The following EIF2AK1 variants were observed in gnomAD, a reference collection of about 807,000 sequenced individuals.
EIF2AK1 encodes the protein eukaryotic translation initiation factor 2-alpha kinase 1.
EIF2AK1 carries 54 observed loss-of-function variants against 77.9 expected under a neutral mutation model. That is an observed-to-expected ratio of 0.69 (90% CI 0.56 to 0.87). The LOEUF (loss-of-function observed/expected upper bound fraction) is 0.87, where lower values mean the gene tolerates loss of function less well. Among genes scored for constraint, EIF2AK1 ranks in the 40% least tolerant of loss-of-function variants. EIF2AK1 has a pLI of 0.00. For missense variants in EIF2AK1, 810 were observed against 768.6 expected, an observed-to-expected ratio of 1.05 and a Z score of -0.64; for synonymous variants, 314 against 290.5, an observed-to-expected ratio of 1.08 and a Z score of -0.82.
chr7:6,055,124 C>G (rs776517710), intron 1 of EIF2AK1, among the ~76,000 whole-genome samples: 5 of 151,988 alleles, frequency 3.3e-5, no homozygotes, highest in Admixed American at 6.6e-5. Flanking sequence ...CAGTGGATCA[C>G]CTGAGGTCAG....
chr7:6,032,906 T>C lies in EIF2AK1; in HGVS notation c.1333-3874A>G. On this transcript the variant is annotated intron_variant, in intron 11 of 14. Coordinates refer to ENST00000199389, the MANE Select transcript of EIF2AK1 (RefSeq NM_014413.4). The surrounding 1 kb of genome is among the most constrained non-coding windows in gnomAD (Gnocchi z 4.3). ...CACAAGGCCCAGAGTCTGCTCTGCC[T>C]GTTACGGCACGGTGCTGACCCAGAA... The C allele has an allele frequency of 7.7e-6, 12 of 1,550,972 alleles. No homozygotes were observed. The highest frequency in any genetic ancestry group is 1.0e-5 in the Non-Finnish European group (12 of 1,146,986).
rs894834918 is a variant in EIF2AK1, at chr7:6,024,213, C to T, written c.*460G>A. ...TTAGAGGCAGCAGAAGGTTTGGAGCCAAGGAATGAAATGATGAGGCGTCCT... is the reference window on the plus strand; with the variant it reads ...TTAGAGGCAGCAGAAGGTTTGGAGCTAAGGAATGAAATGATGAGGCGTCCT... On this transcript the variant is annotated 3_prime_UTR_variant, in exon 15 of 15. Transcript: ENST00000199389. 8.1e-6 allele frequency: 10 copies of T among 1,234,146 alleles called. No individual in the cohort carries two copies. The highest frequency in any genetic ancestry group is 3.1e-5 in the African/African-American group (2 of 64,016). 76.4% of individuals were successfully genotyped at this position (1,234,146 alleles called of 1,614,324 possible).
At chr7:6,042,294 T>C (rs753577051) in intron 8 of EIF2AK1, among the ~76,000 whole-genome samples, 10 of 151,450 alleles carry the variant, frequency 6.6e-5, no homozygotes, top group Non-Finnish European at 1.5e-4. Flanking sequence ...CTGCTAAAAA[T>C]ACAAAAATTA....
intron 1 of EIF2AK1, among the ~76,000 whole-genome samples, chr7:6,057,330 A>T (rs1250137103): frequency 1.3e-5 from 2 of 151,888 alleles, no homozygotes; most frequent in African/African-American, 4.8e-5. Flanking sequence ...AATCAAAACC[A>T]TTTCAACTCG....
At chr7:6,052,117 A>G (rs2128891649) in intron 2 of EIF2AK1, among the ~76,000 whole-genome samples, 1 of 149,606 alleles carries the variant, frequency 6.7e-6, no homozygotes, top group African/African-American at 2.5e-5. Context: ...GGTTGCAGTG[A>G]GCCGAGATCG....
chr7:6,031,575 G>A, intron 11 of EIF2AK1: 3 of 1,550,758 alleles, frequency 1.9e-6, no homozygotes, highest in Non-Finnish European at 2.6e-6. Context: ...GCCAGCAACA[G>A]ATTACTTCTG....
At position 6,028,607 on chromosome 7, in the gene EIF2AK1, A is replaced by C; in HGVS notation, c.1530+8T>G. On this transcript the variant is annotated splice_region_variant and intron_variant, in intron 13 of 14. Transcript: ENST00000199389. ...TTGAATGAAAGGGCAGAAAGCAACA[A>C]ATACTACCTTGGCATCATACTCAGA... 1 of 1,613,912 alleles carries C rather than the reference A, an allele frequency of 6.2e-7. No individual in the cohort carries two copies. The highest frequency in any genetic ancestry group is 8.5e-7 in the Non-Finnish European group (1 of 1,179,776).
rs1391475622 is a variant in EIF2AK1 at position 6,026,987 on chromosome 7, C to T, written c.1531-26G>A. 1.9e-6 allele frequency: 3 copies of T among 1,571,728 alleles called. No homozygotes were observed. Among genetic ancestry groups the T allele is most frequent in the Admixed American group, 3.4e-5 (2 of 59,620 alleles). On this transcript the variant is annotated intron_variant, in intron 13 of 14. Coordinates refer to ENST00000199389, the MANE Select transcript of EIF2AK1 (RefSeq NM_014413.4). ...CTGGAAAAAGAAAAAAAGGGGAACT[C>T]AGTAGTGAAATACAAAGTTAGAAGA... is the stretch of plus-strand genomic sequence containing the variant.
Position 6,049,943 on chromosome 7 carries a change from AAGTG to A in EIF2AK1, c.376_379del (p.His126Ter). The stretch of plus-strand genomic sequence containing the variant: ...AACTCTCTCTTTAGCAGACCTCATT[AAGTG>A]AGTAATAGCTCTGTTGTGATGTAGT... On this transcript the variant is annotated frameshift_variant, in exon 3 of 15. Coordinates refer to ENST00000199389, the MANE Select transcript of EIF2AK1 (RefSeq NM_014413.4). LOFTEE classifies it high-confidence loss of function. 6.2e-7 allele frequency: 1 copy of A among 1,612,706 alleles called. No homozygotes were observed. Among genetic ancestry groups the A allele is most frequent in the Non-Finnish European group, 8.5e-7 (1 of 1,179,650 alleles).
Position 6,036,383 on chromosome 7 carries a change from T to C in EIF2AK1, c.1332+1041A>G, listed in dbSNP as rs1430635567. 97 of 1,465,238 alleles carry C rather than the reference T, an allele frequency of 6.6e-5. No individual in the cohort carries two copies. Among genetic ancestry groups the C allele is most frequent in the Non-Finnish European group, 8.4e-5 (93 of 1,109,464 alleles). 90.8% of individuals were successfully genotyped at this position (1,465,238 alleles called of 1,614,324 possible). On this transcript the variant is annotated intron_variant, in intron 11 of 14. Coordinates refer to ENST00000199389, the MANE Select transcript of EIF2AK1 (RefSeq NM_014413.4). This position sits in a 1 kb window ranked among gnomAD's most constrained non-coding sequence, Gnocchi z 4.6. Reference sequence around the variant, plus strand: ...GCTGTTATGACTTGGCATATACCTCTTGAAATAAGACCTCCCAGTTTCACA... The same window carrying C: ...GCTGTTATGACTTGGCATATACCTCCTGAAATAAGACCTCCCAGTTTCACA...
intron 2 of EIF2AK1, among the ~76,000 whole-genome samples, 160 bp from the exon 3 acceptor site, chr7:6,050,205 T>C (rs951767963): frequency 5.3e-5 from 8 of 151,534 alleles, no homozygotes; most frequent in African/African-American, 2.0e-4. Context: ...GAGAATGTTC[T>C]CTAGAATAAC....
chr7:6,040,198 G>A (rs996789891), intron 9 of EIF2AK1, among the ~76,000 whole-genome samples: 31 of 151,992 alleles, frequency 2.0e-4, no homozygotes, highest in Admixed American at 2.0e-3. Flanking sequence ...GATTACAGGC[G>A]CACAGCATCG....
rs1221835551 is a variant in EIF2AK1 at position 6,046,983 on chromosome 7, G to A, written c.549+9C>T. ...GGTAGTAGGTCAAAACAAGTACGTG[G>A]AAGACAACCTTGTATACTCTTCCGT... On this transcript the variant is annotated intron_variant, in intron 5 of 14. Transcript: ENST00000199389. The A allele has an allele frequency of 6.3e-7, 1 of 1,599,102 alleles. No homozygotes were observed. Among genetic ancestry groups the A allele is most frequent in the Admixed American group, 1.7e-5 (1 of 57,974 alleles).
chr7:6,039,346 G>T (rs114352900), intron 9 of EIF2AK1, among the ~76,000 whole-genome samples: 7,666 of 151,946 alleles, frequency 0.05, 220 homozygotes, highest in East Asian at 0.088. Flanking sequence ...GCTTAGCCAG[G>T]CGTGGTGGCT....
intron 11 of EIF2AK1, among the ~76,000 whole-genome samples, chr7:6,031,981 C>T (rs1787924669): frequency 6.6e-6 from 1 of 152,166 alleles, no homozygotes; most frequent in African/African-American, 2.4e-5. Flanking sequence ...CGAGACCAGC[C>T]TGGCCAGCAG....
At chr7:6,050,644 G>A (rs537146658) in intron 2 of EIF2AK1, among the ~76,000 whole-genome samples, 7 of 131,030 alleles carry the variant, frequency 5.3e-5, no homozygotes, top group Non-Finnish European at 4.7e-5. Flanking sequence ...ACTCTGTCAC[G>A]CAGGCTAGAG....
At position 6,033,008 on chromosome 7, in the gene EIF2AK1, G is replaced by A. The variant is rs931330615; in HGVS notation, c.1333-3976C>T. On this transcript the variant is annotated intron_variant, in intron 11 of 14. Transcript: ENST00000199389. The surrounding 1 kb of genome is among the most constrained non-coding windows in gnomAD (Gnocchi z 4.4). ...TTTGAGGCAGGGGTCTCGCTCTGTT[G>A]CCCAGGCTGGAGTGCAATGGCACAA... is the stretch of plus-strand genomic sequence containing the variant. The A allele has an allele frequency of 4.0e-5, 54 of 1,349,752 alleles. No individual in the cohort carries two copies. The highest frequency in any genetic ancestry group is 4.7e-5 in the Non-Finnish European group (46 of 985,284). 83.6% of individuals were successfully genotyped at this position (1,349,752 alleles called of 1,614,324 possible). A position where few individuals can be genotyped will look rare whatever the true frequency, so the allele number is the denominator to read the frequency against.
intron 13 of EIF2AK1, among the ~76,000 whole-genome samples, chr7:6,028,210 A>G (rs1400150986): frequency 6.6e-6 from 1 of 152,138 alleles, no homozygotes; most frequent in African/African-American, 2.4e-5. Context: ...GTTATCTCCA[A>G]AAACATCTCT....
At chr7:6,047,328 T>A (rs1788475430) in intron 4 of EIF2AK1, 1 of 588,056 alleles carries the variant, frequency 1.7e-6, no homozygotes, top group East Asian at 3.4e-5. Flanking sequence ...ACAGCAGAAA[T>A]CCTAAGAATC....
Sources: allele counts gnomAD v4.1 joint callset (sites outside exome capture counted in the v4.1 genomes callset), GRCh38; gene constraint gnomAD v4.1.1; non-coding constraint Gnocchi (gnomAD v3.1); transcripts MANE v1.5; gene names NCBI Gene and HGNC (gene_info 2026-07-23, HGNC 2026-07-21).